Variants in LRRIQ3 observed in about 807,000 individuals in gnomAD.
The protein encoded by LRRIQ3 is leucine-rich repeat and IQ domain-containing protein 3.
LRRIQ3 carries 75 observed loss-of-function variants against 59.3 expected under a neutral mutation model. The observed-to-expected ratio is 1.26, with a 90% CI of 1.05 to 1.53. LRRIQ3 has a LOEUF of 1.53. LRRIQ3 is among the 40% of genes most tolerant of loss of function. LRRIQ3 has a pLI of 0.00. For missense variants in LRRIQ3, 831 were observed against 710.0 expected (o/e 1.17, Z -1.94); for synonymous variants, 250 against 231.3 (o/e 1.08, Z -0.73).
chr1:74,055,361 C>G (rs1167865903), intron 6 of LRRIQ3, among the ~76,000 whole-genome samples: 1 of 151,800 alleles, frequency 6.6e-6, no homozygotes, highest in Non-Finnish European at 1.5e-5. Context: ...CTTGTTCCCC[C>G]CTCTCTTCTG....
At chr1:74,081,373 A>G (rs1021126109) in intron 5 of LRRIQ3, among the ~76,000 whole-genome samples, 1 of 151,642 alleles carries the variant, frequency 6.6e-6, no homozygotes, top group Non-Finnish European at 1.5e-5. Context: ...AGAATGGTCT[A>G]ATAGTCTAAG....
chr1:74,198,002 A>G lies in LRRIQ3; in HGVS notation c.-7T>C. The G allele has an allele frequency of 1.8e-6, 1 of 548,890 alleles. No individual in the cohort carries two copies. Among genetic ancestry groups the G allele is most frequent in the Non-Finnish European group, 3.1e-6 (1 of 324,550 alleles). The allele number at this position is 548,890 out of a possible 1,614,324, so 34.0% of individuals were successfully genotyped here. On this transcript the variant is annotated 5_prime_UTR_variant, in exon 1 of 8. Transcript: ENST00000354431. Reference sequence around the variant, plus strand: ...CCCAAACTGAACCACTCACCGGGTCAACTGGGCTGCAAGCCCTTATGAGTT... The same window carrying G: ...CCCAAACTGAACCACTCACCGGGTCGACTGGGCTGCAAGCCCTTATGAGTT...
intron 4 of LRRIQ3, among the ~76,000 whole-genome samples, chr1:74,133,619 A>G (rs1290440021): frequency 6.6e-6 from 1 of 151,100 alleles, no homozygotes; most frequent in Non-Finnish European, 1.5e-5. Flanking sequence ...AGGACGAAAA[A>G]CCAAACACCG....
At chr1:74,135,415 G>T (rs1231663932) in intron 4 of LRRIQ3, among the ~76,000 whole-genome samples, 1 of 151,852 alleles carries the variant, frequency 6.6e-6, no homozygotes, top group Non-Finnish European at 1.5e-5. Flanking sequence ...CTTAACTGAT[G>T]TTTATGGAAC....
At chr1:74,130,827 G>T (rs898183568) in intron 4 of LRRIQ3, among the ~76,000 whole-genome samples, 1 of 151,972 alleles carries the variant, frequency 6.6e-6, no homozygotes, top group Non-Finnish European at 1.5e-5. Context: ...AAGAACTAGA[G>T]AAGCAAGAGC....
intron 3 of LRRIQ3, among the ~76,000 whole-genome samples, chr1:74,174,389 C>T (rs1173687397): frequency 1.3e-5 from 2 of 151,432 alleles, no homozygotes; most frequent in African/African-American, 4.9e-5. Context: ...CTCTTCCTTC[C>T]TTCCTGTTTT....
intron 3 of LRRIQ3, among the ~76,000 whole-genome samples, chr1:74,165,904 C>T (rs1648954416): frequency 6.6e-6 from 1 of 151,368 alleles, no homozygotes; most frequent in Non-Finnish European, 1.5e-5. Context: ...TCCTTGAATC[C>T]CTATACTTGG....
At chr1:74,193,685 G>A (rs560927292) in intron 1 of LRRIQ3, among the ~76,000 whole-genome samples, 28 of 152,084 alleles carry the variant, frequency 1.8e-4, no homozygotes, top group African/African-American at 6.7e-4. Flanking sequence ...GAAGCTTTCA[G>A]ATACTTGGAA....
At chr1:74,192,476 C>A (rs1570290240) in intron 1 of LRRIQ3, among the ~76,000 whole-genome samples, 1 of 152,038 alleles carries the variant, frequency 6.6e-6, no homozygotes, top group East Asian at 1.9e-4. Flanking sequence ...TTCAGTTCCT[C>A]TTTACTGATT....
chr1:74,076,749 G>C (rs956807129), intron 5 of LRRIQ3, among the ~76,000 whole-genome samples: 4 of 151,986 alleles, frequency 2.6e-5, no homozygotes, highest in African/African-American at 9.7e-5. Context: ...TCCAAGCAGT[G>C]ACTCATAGGG....
At chr1:74,050,311 A>G (rs1038654244) in intron 6 of LRRIQ3, among the ~76,000 whole-genome samples, 1 of 152,158 alleles carries the variant, frequency 6.6e-6, no homozygotes, top group Admixed American at 6.6e-5. Flanking sequence ...GAATTTTTTG[A>G]CACAAAGGCA....
chr1:74,149,892 C>T (rs532506163), intron 4 of LRRIQ3, among the ~76,000 whole-genome samples: 3 of 152,286 alleles, frequency 2.0e-5, no homozygotes, highest in African/African-American at 4.8e-5. Flanking sequence ...ATCCTTAAAA[C>T]AGTAGCCAAA....
chr1:74,072,509 TTTAA>T (rs1383493614), intron 6 of LRRIQ3, among the ~76,000 whole-genome samples: 1 of 151,894 alleles, frequency 6.6e-6, no homozygotes, highest in East Asian at 1.9e-4. Flanking sequence ...ATATATATTT[TTTAA>T]TTGAGAGATT....
intron 3 of LRRIQ3, among the ~76,000 whole-genome samples, chr1:74,172,035 T>A (rs1235076458): frequency 6.6e-6 from 1 of 152,160 alleles, no homozygotes; most frequent in Non-Finnish European, 1.5e-5. Flanking sequence ...AGTTTGTCTA[T>A]CTTGTTTGTC....
intron 1 of LRRIQ3, among the ~76,000 whole-genome samples, chr1:74,184,656 G>A (rs942421902): frequency 1.3e-5 from 2 of 152,106 alleles, no homozygotes; most frequent in African/African-American, 4.8e-5. Flanking sequence ...GAATTAATTA[G>A]AAGGCAGATT....
At chr1:74,049,396 T>G (rs1431114296) in intron 6 of LRRIQ3, among the ~76,000 whole-genome samples, 2 of 152,158 alleles carry the variant, frequency 1.3e-5, no homozygotes, top group East Asian at 3.8e-4. Context: ...GGGGACTGGT[T>G]AAGAGGCTAC....
At chr1:74,030,982 A>G (rs189086733) in intron 7 of LRRIQ3, among the ~76,000 whole-genome samples, 164 of 152,356 alleles carry the variant, frequency 1.1e-3, no homozygotes, top group African/African-American at 3.8e-3. Context: ...AAAAGAAGAC[A>G]TTTATGCAGC....
chr1:74,089,419 GA>G, intron 5 of LRRIQ3, among the ~76,000 whole-genome samples: 1 of 151,954 alleles, frequency 6.6e-6, no homozygotes, highest in Non-Finnish European at 1.5e-5. Context: ...CGAATGAATG[GA>G]AAAACAAAAT....
chr1:74,148,369 G>A (rs1399203281), intron 4 of LRRIQ3, among the ~76,000 whole-genome samples: 1 of 152,140 alleles, frequency 6.6e-6, no homozygotes, highest in African/African-American at 2.4e-5. Flanking sequence ...GTTGCTGGTA[G>A]AGGCTGTAGC....
Sources: allele counts gnomAD v4.1 joint callset (sites outside exome capture counted in the v4.1 genomes callset), GRCh38; gene constraint gnomAD v4.1.1; transcripts MANE v1.5; gene names NCBI Gene and HGNC (gene_info 2026-07-23, HGNC 2026-07-21).